ULK4: variants seen among roughly 807,000 people sequenced by gnomAD.
ULK4 encodes the protein unc-51 like kinase 4.
ULK4 carries 133 observed loss-of-function variants against 160.6 expected under a neutral mutation model. That is an observed-to-expected ratio of 0.83 (90% CI 0.72 to 0.96). The LOEUF (loss-of-function observed/expected upper bound fraction) is 0.96, where lower values mean the gene tolerates loss of function less well. Among genes scored for constraint, ULK4 ranks in the 40% least tolerant of loss-of-function variants. The pLI is 0.00. For missense variants in ULK4, 1,580 were observed against 1,499.5 expected, an observed-to-expected ratio of 1.05 and a Z score of -0.89; for synonymous variants, 534 against 539.8, an observed-to-expected ratio of 0.99 and a Z score of 0.15.
intron 30 of ULK4, among the ~76,000 whole-genome samples, chr3:41,638,985 A>G (rs1455806018): frequency 6.6e-6 from 1 of 152,244 alleles, no homozygotes; most frequent in Non-Finnish European, 1.5e-5. Flanking sequence ...ACCTTGGCAA[A>G]TTACCAAAAG....
intron 32 of ULK4, among the ~76,000 whole-genome samples, chr3:41,534,697 T>C (rs978410351): frequency 2.0e-5 from 3 of 152,128 alleles, no homozygotes; most frequent in African/African-American, 7.2e-5. Flanking sequence ...ATGCCACTGA[T>C]CATAAGGACC....
intron 30 of ULK4, among the ~76,000 whole-genome samples, chr3:41,658,811 A>G (rs1475977133): frequency 6.6e-6 from 1 of 151,912 alleles, no homozygotes; most frequent in African/African-American, 2.4e-5. Context: ...TTTTCTCTGT[A>G]TACCCTTCAA....
chr3:41,876,385 G>A (rs13314899), intron 17 of ULK4, among the ~76,000 whole-genome samples: 1 of 152,062 alleles, frequency 6.6e-6, no homozygotes, highest in Non-Finnish European at 1.5e-5. Context: ...AGAGGAAACT[G>A]GTAAATACTT....
At chr3:41,600,055 A>T (rs2031962022) in intron 31 of ULK4, among the ~76,000 whole-genome samples, 1 of 152,164 alleles carries the variant, frequency 6.6e-6, no homozygotes, top group Non-Finnish European at 1.5e-5. Context: ...CTAAATGCAA[A>T]TCTAATGACC....
chr3:41,499,595 A>C (rs1035565122), intron 32 of ULK4, among the ~76,000 whole-genome samples: 4 of 152,192 alleles, frequency 2.6e-5, no homozygotes, highest in Non-Finnish European at 4.4e-5. Flanking sequence ...TTCTACATAA[A>C]GATTTTTTTT....
intron 17 of ULK4, among the ~76,000 whole-genome samples, chr3:41,879,371 G>A (rs142251761): frequency 2.0e-5 from 3 of 152,274 alleles, no homozygotes; most frequent in East Asian, 3.9e-4. Flanking sequence ...GAGAAAAAGG[G>A]AGAGGGGGAA....
At chr3:41,367,116 T>C (rs1343616549) in intron 35 of ULK4, among the ~76,000 whole-genome samples, 3 of 152,248 alleles carry the variant, frequency 2.0e-5, no homozygotes, top group East Asian at 3.9e-4. Context: ...TCCATGACCA[T>C]TGGCCTTTGG....
At chr3:41,924,482 T>G (rs948126288) in intron 5 of ULK4, among the ~76,000 whole-genome samples, 1 of 152,200 alleles carries the variant, frequency 6.6e-6, no homozygotes, top group African/African-American at 2.4e-5. Context: ...AGTTCAGAAG[T>G]AAGCATCACT....
intron 35 of ULK4, among the ~76,000 whole-genome samples, chr3:41,345,676 T>C (rs1419941899): frequency 6.6e-6 from 1 of 152,136 alleles, no homozygotes; most frequent in African/African-American, 2.4e-5. Flanking sequence ...TAATAGATGC[T>C]GGGCTTAATA....
At chr3:41,606,642 T>C (rs1004795764) in intron 31 of ULK4, among the ~76,000 whole-genome samples, 4 of 152,072 alleles carry the variant, frequency 2.6e-5, no homozygotes, top group Non-Finnish European at 4.4e-5. Context: ...TGTTATTTTT[T>C]GTCATTTTGA....
At chr3:41,709,518 C>T (rs776835649) in intron 25 of ULK4, among the ~76,000 whole-genome samples, 2 of 152,136 alleles carry the variant, frequency 1.3e-5, no homozygotes, top group South Asian at 4.1e-4. Context: ...TTCCAAGTAG[C>T]TGGGACTACA....
intron 21 of ULK4, among the ~76,000 whole-genome samples, chr3:41,775,629 C>A (rs1189181926): frequency 6.6e-6 from 1 of 150,564 alleles, no homozygotes; most frequent in Non-Finnish European, 1.5e-5. Flanking sequence ...GAACTCCTGA[C>A]CTCAGGTGAT....
In ULK4 at chr3:41,728,309, A is replaced by G. The variant is rs1341778908; in HGVS notation, c.2322-10448T>C. 2.0e-5 allele frequency among the ~76,000 whole-genome samples: 3 copies of G among 152,304 alleles called. No individual in the cohort carries two copies. The East Asian group carries it at 5.8e-4, about 29-fold the overall frequency. On this transcript the variant is annotated intron_variant, in intron 22 of 36. Coordinates refer to ENST00000301831, the MANE Select transcript of ULK4 (RefSeq NM_017886.4). Reference sequence around the variant, plus strand: ...TAGAAGTTCAAGATTGGGCAGCTGCATCTGGCAAGGATCACAGGTTGCTTC... The same window carrying G: ...TAGAAGTTCAAGATTGGGCAGCTGCGTCTGGCAAGGATCACAGGTTGCTTC...
intron 18 of ULK4, among the ~76,000 whole-genome samples, chr3:41,832,743 C>T (rs1000314214): frequency 1.3e-5 from 2 of 152,194 alleles, no homozygotes; most frequent in African/African-American, 4.8e-5. Context: ...CATCCAGTTT[C>T]AGTTTTCTGC....
At chr3:41,870,293 CTA>C (rs952900899) in intron 17 of ULK4, among the ~76,000 whole-genome samples, 1 of 152,204 alleles carries the variant, frequency 6.6e-6, no homozygotes, top group African/African-American at 2.4e-5. Context: ...AATATTCCTT[CTA>C]TCTCATTCTT....
At chr3:41,809,884 G>C (rs1408483439) in intron 19 of ULK4, among the ~76,000 whole-genome samples, 1 of 152,054 alleles carries the variant, frequency 6.6e-6, no homozygotes, top group African/African-American at 2.4e-5. Flanking sequence ...TAAATGTGAG[G>C]AACATTAAAT....
chr3:41,662,227 G>A (rs1482360808), intron 30 of ULK4, among the ~76,000 whole-genome samples: 1 of 152,176 alleles, frequency 6.6e-6, no homozygotes, highest in Non-Finnish European at 1.5e-5. Context: ...AAAGGCTATA[G>A]AAACACTGAA....
At chr3:41,683,465 C>G (rs1380530084) in intron 27 of ULK4, among the ~76,000 whole-genome samples, 14 of 151,726 alleles carry the variant, frequency 9.2e-5, no homozygotes, top group Non-Finnish European at 4.4e-5. Context: ...GACGTGACCC[C>G]TCCGTGACTG....
At chr3:41,344,200 A>C (rs1257793075) in intron 35 of ULK4, among the ~76,000 whole-genome samples, 1 of 152,202 alleles carries the variant, frequency 6.6e-6, no homozygotes, top group Non-Finnish European at 1.5e-5. Context: ...ATCTTCGACA[A>C]ACTTGACAAA....
Sources: allele counts gnomAD v4.1 joint callset (sites outside exome capture counted in the v4.1 genomes callset), GRCh38; gene constraint gnomAD v4.1.1; transcripts MANE v1.5; gene names NCBI Gene and HGNC (gene_info 2026-07-23, HGNC 2026-07-21).